The following RNF180 variants were observed in gnomAD, a reference collection of about 807,000 sequenced individuals.
RNF180 encodes E3 ubiquitin-protein ligase RNF180.
RNF180 carries 38 observed loss-of-function variants against 59.2 expected under a neutral mutation model. The observed-to-expected ratio is 0.64, with a 90% CI of 0.50 to 0.84. RNF180 has a LOEUF of 0.84. Among genes scored for constraint, RNF180 ranks in the 40% least tolerant of loss-of-function variants. The pLI, the probability that RNF180 is intolerant of heterozygous loss-of-function variation, is 0.00. For synonymous variants in RNF180, 262 were observed against 240.3 expected, an observed-to-expected ratio of 1.09 and a Z score of -0.84; for missense variants, 705 against 700.9, an observed-to-expected ratio of 1.01 and a Z score of -0.07.
At chr5:64,363,521 G>A (rs930117392) in intron 7 of RNF180, among the ~76,000 whole-genome samples, 2 of 151,856 alleles carry the variant, frequency 1.3e-5, no homozygotes, top group African/African-American at 4.8e-5. Context: ...CAGCTAGCGT[G>A]ATGCCTCCAG....
At chr5:64,241,941 C>T (rs574953578) in intron 5 of RNF180, among the ~76,000 whole-genome samples, 6 of 152,274 alleles carry the variant, frequency 3.9e-5, no homozygotes, top group Admixed American at 3.3e-4. Context: ...ATGTTCCAGG[C>T]TGGTACTCAC....
At chr5:64,285,085 C>T (rs188690800) in intron 5 of RNF180, among the ~76,000 whole-genome samples, 1 of 152,272 alleles carries the variant, frequency 6.6e-6, no homozygotes, top group East Asian at 1.9e-4. Context: ...TTCACAGAAC[C>T]AAGGCTCAGC....
chr5:64,309,124 G>C (rs1461451837), intron 5 of RNF180, among the ~76,000 whole-genome samples: 1 of 151,554 alleles, frequency 6.6e-6, no homozygotes, highest in East Asian at 1.9e-4. Context: ...TGGTGAAAAT[G>C]TCATTTAACA....
chr5:64,355,364 A>ATT (rs1324973818), intron 7 of RNF180, among the ~76,000 whole-genome samples: 1 of 151,950 alleles, frequency 6.6e-6, no homozygotes, highest in African/African-American at 2.4e-5. Context: ...TTAAGCATGG[A>ATT]TGTTAAAAAC....
intron 1 of RNF180, among the ~76,000 whole-genome samples, chr5:64,187,647 G>A (rs540374394): frequency 3.1e-4 from 47 of 152,218 alleles, no homozygotes; most frequent in African/African-American, 9.1e-4. Flanking sequence ...ACCTGACACC[G>A]TCTATTTGTG....
At position 64,372,846 on chromosome 5, in the gene RNF180, A is replaced by G. The variant is rs1746697427; in HGVS notation, c.*3032A>G. On this transcript the variant is annotated 3_prime_UTR_variant, in exon 8 of 8. Transcript: ENST00000389100. Reference sequence around the variant, plus strand: ...TTCTACCAATGTAGAAGCATGAGGAATAAAAGATGGTCTGGATCAAGAATG... The same window carrying G: ...TTCTACCAATGTAGAAGCATGAGGAGTAAAAGATGGTCTGGATCAAGAATG... 6.6e-6 allele frequency: 1 copy of G among 151,958 alleles called. No homozygotes were observed. The highest frequency in any genetic ancestry group is 6.6e-5 in the Admixed American group (1 of 15,194). 9.4% of individuals were successfully genotyped at this position (151,958 alleles called of 1,614,324 possible).
At chr5:64,316,878 T>A (rs1479180415) in intron 5 of RNF180, among the ~76,000 whole-genome samples, 1 of 152,174 alleles carries the variant, frequency 6.6e-6, no homozygotes, top group African/African-American at 2.4e-5. Flanking sequence ...CCAAGGGGGA[T>A]GCGTCCAGCG....
chr5:64,333,131 A>G (rs1744983000), intron 7 of RNF180, among the ~76,000 whole-genome samples: 1 of 152,210 alleles, frequency 6.6e-6, no homozygotes, highest in Non-Finnish European at 1.5e-5. Flanking sequence ...GTAAAAATTT[A>G]ATATCTAGAG....
rs574682346 is a variant in RNF180, at chr5:64,372,252, A to G, written c.*2438A>G. On this transcript the variant is annotated 3_prime_UTR_variant, in exon 8 of 8. Coordinates refer to ENST00000389100, the MANE Select transcript of RNF180 (RefSeq NM_001113561.2). Reference sequence around the variant, plus strand: ...TTCAGCAGGTTATTTTTTAATTTTAAAAAAGCAAATTCACAAACCTAGACC... The same window carrying G: ...TTCAGCAGGTTATTTTTTAATTTTAGAAAAGCAAATTCACAAACCTAGACC... 106 of 151,876 alleles carry G rather than the reference A, an allele frequency of 7.0e-4. No individual in the cohort carries two copies. The highest frequency in any genetic ancestry group is 2.4e-3 in the African/African-American group (99 of 41,520). The allele number at this position is 151,876 out of a possible 1,614,324, so 9.4% of individuals were successfully genotyped here. A position where few individuals can be genotyped will look rare whatever the true frequency, so the allele number is the denominator to read the frequency against.
At chr5:64,299,838 T>G (rs1265574817) in intron 5 of RNF180, among the ~76,000 whole-genome samples, 1 of 151,896 alleles carries the variant, frequency 6.6e-6, no homozygotes, top group Non-Finnish European at 1.5e-5. Context: ...AACTATTAAA[T>G]AGGAAATTTC....
At chr5:64,167,018 C>G (rs1749680573) in intron 1 of RNF180, among the ~76,000 whole-genome samples, 1 of 152,212 alleles carries the variant, frequency 6.6e-6, no homozygotes, top group Non-Finnish European at 1.5e-5. Context: ...ATCATAAACA[C>G]TTCAGTTTCA....
intron 7 of RNF180, among the ~76,000 whole-genome samples, chr5:64,365,000 CA>C (rs34585480): frequency 1.6e-3 from 222 of 140,050 alleles, no homozygotes; most frequent in African/African-American, 4.4e-3. Flanking sequence ...TTAATTTTTT[CA>C]AAAAAAAAAA....
Position 64,213,857 on chromosome 5 carries a change from A to AT in RNF180, c.533dup (p.Leu178PhefsTer15), listed in dbSNP as rs755111155. 1 of 1,614,168 alleles carries AT rather than the reference A, an allele frequency of 6.2e-7. No individual in the cohort carries two copies. Among genetic ancestry groups the AT allele is most frequent in the Admixed American group, 1.7e-5 (1 of 59,964 alleles). ...CCCGAAATAATAATGACCCTGGAAG[A>AT]TTAACAGAAGCACTCTGCCTGGAGG... On this transcript the variant is annotated frameshift_variant, in exon 4 of 8. Transcript: ENST00000389100. LOFTEE classifies it high-confidence loss of function.
chr5:64,220,443 T>A (rs1255745208), intron 5 of RNF180, among the ~76,000 whole-genome samples: 1 of 152,036 alleles, frequency 6.6e-6, no homozygotes, highest in African/African-American at 2.4e-5. Flanking sequence ...TTTGATGCAG[T>A]TAAAACTTTT....
At chr5:64,191,137 T>G in intron 1 of RNF180, among the ~76,000 whole-genome samples, 1 of 152,232 alleles carries the variant, frequency 6.6e-6, no homozygotes, top group Non-Finnish European at 1.5e-5. Flanking sequence ...TGTAGACTAT[T>G]TTTAGAGCAG....
intron 7 of RNF180, among the ~76,000 whole-genome samples, chr5:64,351,126 T>A (rs1745789505): frequency 6.6e-6 from 1 of 152,002 alleles, no homozygotes; most frequent in Admixed American, 6.6e-5. Flanking sequence ...GTCCTTCACA[T>A]CCCTTGTAAG....
In RNF180 at chr5:64,272,954, G is replaced by T. The variant is rs545109691; in HGVS notation, c.1228-52232G>T. The stretch of plus-strand genomic sequence containing the variant: ...GACACTTAAATGTCTAGTTTTGGAG[G>T]TCAAAAAAAAGGTCAAGGCTGGAGT... On this transcript the variant is annotated intron_variant, in intron 5 of 7. Transcript: ENST00000389100. Among the ~76,000 whole-genome samples the T allele has an allele frequency of 3.3e-5, 5 of 151,808 alleles. No individual in the cohort carries two copies. The East Asian group carries it at 9.7e-4, about 29-fold the overall frequency.
In RNF180 at chr5:64,338,348, C is replaced by A. The variant is rs533744242; in HGVS notation, c.1579+7942C>A. 2.0e-5 allele frequency among the ~76,000 whole-genome samples: 3 copies of A among 152,164 alleles called. No individual in the cohort carries two copies. In the South Asian group the frequency reaches 6.2e-4, roughly 32 times the overall value. On this transcript the variant is annotated intron_variant, in intron 7 of 7. Transcript: ENST00000389100. Reference sequence around the variant, plus strand: ...TAGCATCCTGATTTTAAAAGGAATGCTTTTGGCTGGGCGCAGTGGCTCATG... The same window carrying A: ...TAGCATCCTGATTTTAAAAGGAATGATTTTGGCTGGGCGCAGTGGCTCATG...
chr5:64,204,581 T>C (rs1332422889), intron 2 of RNF180, among the ~76,000 whole-genome samples: 3 of 152,198 alleles, frequency 2.0e-5, no homozygotes, highest in Admixed American at 6.5e-5. Flanking sequence ...ATACCAACCT[T>C]TTTTTGGTTA....
Sources: gnomAD v4.1 joint callset for allele counts (sites outside exome capture counted in the v4.1 genomes callset) on GRCh38, gnomAD v4.1.1 for gene constraint, MANE v1.5 for transcripts, NCBI Gene and HGNC (gene_info 2026-07-23, HGNC 2026-07-21) for gene names.